The following ENTPD3 variants were observed in gnomAD, a reference collection of about 807,000 sequenced individuals.
ENTPD3 encodes the protein CD39 antigen-like 3.
In ENTPD3, 60 loss-of-function variants were observed where a neutral mutation model predicts 51.2. The ratio of observed to expected loss-of-function variants is 1.17; its 90% CI spans 0.95 to 1.45. ENTPD3 has a LOEUF of 1.45. Ranked by LOEUF, ENTPD3 falls within the 40% of genes most tolerant of loss-of-function variation. The pLI, the probability that ENTPD3 is intolerant of heterozygous loss-of-function variation, is 0.00. For missense variants in ENTPD3, 593 were observed against 641.1 expected, an observed-to-expected ratio of 0.93 and a Z score of 0.81; for synonymous variants, 221 against 238.4, an observed-to-expected ratio of 0.93 and a Z score of 0.67.
At chr3:40,411,310 AAAAG>A (rs372912384) in intron 4 of ENTPD3, among the ~76,000 whole-genome samples, 1 of 136,480 alleles carries the variant, frequency 7.3e-6, no homozygotes, top group African/African-American at 2.9e-5. Context: ...AAAAAAGAAA[AAAAG>A]AAAAGAAAAA....
rs1422617151 is a variant in ENTPD3 at position 40,423,304 on chromosome 3, T to C, written c.1118T>C (p.Phe373Ser). 3 of 1,613,580 alleles carry C rather than the reference T, an allele frequency of 1.9e-6. No homozygotes were observed. Among genetic ancestry groups the C allele is most frequent in the Admixed American group, 3.3e-5 (2 of 60,000 alleles). ...ACTTATTTCCAGGCTTTTGCAGGAT[T>C]CTACTACACAGCCAGTGCTTTAAAT... ...IKGPFVAFAG[F>S]YYTASALNLS... Residue 373 changes from phenylalanine to serine, a missense_variant, in exon 9 of 11, where the codon TTC becomes TCC. Physicochemically the swap from Phe to Ser is radical, Grantham distance 155. Coordinates refer to ENST00000301825, the MANE Select transcript of ENTPD3 (RefSeq NM_001248.4).
At chr3:40,424,676 T>C in intron 10 of ENTPD3, 1 of 695,634 alleles carries the variant, frequency 1.4e-6, no homozygotes, top group South Asian at 1.5e-5. Context: ...TGAAAGGACC[T>C]CCATACCTTG....
At position 40,411,620 on chromosome 3, in the gene ENTPD3, T is replaced by C. The variant is rs576736384; in HGVS notation, c.287-192T>C. Among the ~76,000 whole-genome samples the C allele has an allele frequency of 2.0e-5, 3 of 152,320 alleles. No individual in the cohort carries two copies. The East Asian group carries it at 5.8e-4, about 29-fold the overall frequency. ...AGGCCCTGGCTTACTTTTTATACAA[T>C]TGTAATTCATTCTTTTAGAGGTTGC... On this transcript the variant is annotated intron_variant, in intron 4 of 10. Coordinates refer to ENST00000301825, the MANE Select transcript of ENTPD3 (RefSeq NM_001248.4).
In ENTPD3 at chr3:40,423,948, A is replaced by G; in HGVS notation, c.1338A>G (p.Ile446Met). ...TCACAGAGGAGACTTGGCCCCAAAT[A>G]CACTTTGAAAAAGAAGTAAGTTAAG... is the stretch of plus-strand genomic sequence containing the variant. ...YKFTEETWPQ[I>M]HFEKEVGNSS... The change falls in exon 10 of 11, where the codon ATA becomes ATG. Residue 446 changes from isoleucine (I) to methionine (M), a missense_variant. By Grantham distance (10) the Ile-to-Met change is conservative. Transcript: ENST00000301825. 2 of 1,614,078 alleles carry G rather than the reference A, an allele frequency of 1.2e-6. No homozygotes were observed. Among genetic ancestry groups the G allele is most frequent in the Non-Finnish European group, 1.7e-6 (2 of 1,179,984 alleles).
At chr3:40,418,558 A>G (rs1002972310) in intron 7 of ENTPD3, among the ~76,000 whole-genome samples, 3 of 152,226 alleles carry the variant, frequency 2.0e-5, no homozygotes, top group Non-Finnish European at 2.9e-5. Flanking sequence ...CATGTTAGAT[A>G]TTAGGAATGT....
Position 40,424,812 on chromosome 3 carries a change from C to G in ENTPD3, c.1353+849C>G, listed in dbSNP as rs1323360671. 1.6e-5 allele frequency: 11 copies of G among 701,424 alleles called. No homozygotes were observed. In the East Asian group the frequency reaches 2.7e-4, roughly 17 times the overall value. 43.5% of individuals were successfully genotyped at this position (701,424 alleles called of 1,614,324 possible). A position where few individuals can be genotyped will look rare whatever the true frequency, so the allele number is the denominator to read the frequency against. Reference sequence around the variant, plus strand: ...GAAGGATGTCTGGAGTCAGCCTGTTCAATACCAGCTTCAGCAATAATTAGA... The same window carrying G: ...GAAGGATGTCTGGAGTCAGCCTGTTGAATACCAGCTTCAGCAATAATTAGA... On this transcript the variant is annotated intron_variant, in intron 10 of 10. Transcript: ENST00000301825.
intron 4 of ENTPD3, among the ~76,000 whole-genome samples, chr3:40,402,206 C>A (rs1412694616): frequency 7.6e-6 from 1 of 132,436 alleles, no homozygotes; most frequent in Admixed American, 9.0e-5. Context: ...GCAATCTCTG[C>A]CTCCTGGGTT....
chr3:40,424,591 A>G (rs996240305), intron 10 of ENTPD3, among the ~76,000 whole-genome samples: 2 of 152,058 alleles, frequency 1.3e-5, no homozygotes, highest in African/African-American at 4.8e-5. Context: ...CTATAAATAC[A>G]TACATATATA....
chr3:40,411,198 G>A (rs1955621035), intron 4 of ENTPD3, among the ~76,000 whole-genome samples: 1 of 151,670 alleles, frequency 6.6e-6, no homozygotes, highest in African/African-American at 2.4e-5. Context: ...AACTGAGGCA[G>A]GAGAATCACT....
intron 6 of ENTPD3, among the ~76,000 whole-genome samples, chr3:40,415,143 C>T (rs1264856084): frequency 1.3e-5 from 2 of 152,012 alleles, no homozygotes; most frequent in African/African-American, 4.8e-5. Flanking sequence ...TTTGGGAGGG[C>T]AGTTGAAGAA....
rs555549904 is a variant in ENTPD3 at position 40,412,067 on chromosome 3, C to T, written c.437+105C>T. The T allele has an allele frequency of 1.4e-5, 16 of 1,150,656 alleles. No homozygotes were observed. The South Asian group carries it at 4.1e-4, about 29-fold the overall frequency. 71.3% of individuals were successfully genotyped at this position (1,150,656 alleles called of 1,614,324 possible). A position where few individuals can be genotyped will look rare whatever the true frequency, so the allele number is the denominator to read the frequency against. ...TATTTCTGGGAACAACCCTCGCCCCCCAAAAAGAAGCCCACATTCTGCCAT... is the reference window on the plus strand; with the variant it reads ...TATTTCTGGGAACAACCCTCGCCCCTCAAAAAGAAGCCCACATTCTGCCAT... On this transcript the variant is annotated intron_variant, in intron 5 of 10. Transcript: ENST00000301825.
At chr3:40,395,639 G>A (rs761399410) in intron 3 of ENTPD3, among the ~76,000 whole-genome samples, 1 of 152,166 alleles carries the variant, frequency 6.6e-6, no homozygotes, top group Non-Finnish European at 1.5e-5. Flanking sequence ...ACAGGCATGT[G>A]CCTCCCAGAT....
intron 7 of ENTPD3, among the ~76,000 whole-genome samples, chr3:40,421,799 T>C (rs931175985): frequency 3.3e-5 from 5 of 152,092 alleles, no homozygotes; most frequent in Non-Finnish European, 7.4e-5. Flanking sequence ...TTTATGGCTT[T>C]AAAAAAAGAA....
In ENTPD3 at chr3:40,411,698, G is replaced by A. The variant is rs977370650; in HGVS notation, c.287-114G>A. On this transcript the variant is annotated intron_variant, in intron 4 of 10. Transcript: ENST00000301825. The stretch of plus-strand genomic sequence containing the variant: ...GGACTTACCACATCCAGCTGTTTTC[G>A]ACCCCCTACCAAACCCCAATAATTT... 16 of 1,083,412 alleles carry A rather than the reference G, an allele frequency of 1.5e-5. No individual in the cohort carries two copies. The South Asian group carries it at 1.6e-4, about 11-fold the overall frequency. The allele number at this position is 1,083,412 out of a possible 1,614,324, so 67.1% of individuals were successfully genotyped here.
chr3:40,392,283 G>T, intron 3 of ENTPD3, 133 bp downstream of exon 3: 1 of 1,074,806 alleles, frequency 9.3e-7, no homozygotes, highest in Non-Finnish European at 1.3e-6. Flanking sequence ...GGAGAAGTTA[G>T]TGTAAGACGC....
At chr3:40,398,402 G>A (rs779658096) in intron 3 of ENTPD3, among the ~76,000 whole-genome samples, 1 of 152,158 alleles carries the variant, frequency 6.6e-6, no homozygotes, top group African/African-American at 2.4e-5. Flanking sequence ...CTGGAGTGGT[G>A]GTGATCAGGT....
chr3:40,408,045 G>A (rs924510310), intron 4 of ENTPD3, among the ~76,000 whole-genome samples: 12 of 152,140 alleles, frequency 7.9e-5, no homozygotes, highest in East Asian at 5.8e-4. Flanking sequence ...TCCAATCAGC[G>A]AAATCCAAAA....
At position 40,423,687 on chromosome 3, in the gene ENTPD3, TTA is replaced by T. The variant is rs1250165280; in HGVS notation, c.1216-135_1216-134del. On this transcript the variant is annotated intron_variant, in intron 9 of 10. Transcript: ENST00000301825. ...ATATTTTCATAATTATATTGTGTGATTATATGATTGTATTATAAAGTATTTTC... is the reference window on the plus strand; with the variant it reads ...ATATTTTCATAATTATATTGTGTGATTATGATTGTATTATAAAGTATTTTC... The T allele has an allele frequency of 3.1e-6, 3 of 962,410 alleles. No individual in the cohort carries two copies. In the African/African-American group the frequency reaches 5.0e-5, roughly 16 times the overall value. 59.6% of individuals were successfully genotyped at this position (962,410 alleles called of 1,614,324 possible).
In ENTPD3 at chr3:40,411,952, C is replaced by A; in HGVS notation, c.427C>A (p.Arg143Ser). ...PIHLGATAGMRLLRLQNETAA... is the reference protein window; with the variant it reads ...PIHLGATAGMSLLRLQNETAA... ...TCACCTGGGAGCCACGGCTGGGATGCGCTTGCTGAGGTAAAGGCTAAGTGG... is the reference window on the plus strand; with the variant it reads ...TCACCTGGGAGCCACGGCTGGGATGAGCTTGCTGAGGTAAAGGCTAAGTGG... The change falls in exon 5 of 11, where the codon CGC becomes AGC. Residue 143 changes from arginine to serine, a missense_variant. By Grantham distance (110) the Arg-to-Ser change is moderately radical. Transcript: ENST00000301825. The A allele has an allele frequency of 2.5e-6, 4 of 1,609,944 alleles. No individual in the cohort carries two copies. The highest frequency in any genetic ancestry group is 4.5e-5 in the East Asian group (2 of 44,714).
Sources: allele counts gnomAD v4.1 joint callset (sites outside exome capture counted in the v4.1 genomes callset), GRCh38; gene constraint gnomAD v4.1.1; transcripts MANE v1.5; gene names NCBI Gene and HGNC (gene_info 2026-07-23, HGNC 2026-07-21).